The following FRAS1 variants were observed in gnomAD, a reference collection of about 807,000 sequenced individuals.
FRAS1 encodes the protein Fraser extracellular matrix complex subunit 1, also known as extracellular matrix organizing protein FRAS1.
A neutral mutation model predicts 435.2 loss-of-function variants in FRAS1; 290 were observed. The ratio of observed to expected loss-of-function variants is 0.67; its 90% CI spans 0.61 to 0.73. The LOEUF (loss-of-function observed/expected upper bound fraction) is 0.73, where lower values mean the gene tolerates loss of function less well. Ranked by LOEUF, FRAS1 falls within the 30% of genes least tolerant of loss-of-function variation. The probability of loss-of-function intolerance (pLI) is 0.00; values close to 1 mark genes in which losing one functional copy is unlikely to be tolerated. For synonymous variants in FRAS1, 1,800 were observed against 1,851.0 expected (o/e 0.97, Z 0.71); for missense variants, 4,860 against 5,001.5 (o/e 0.97, Z 0.85).
intron 41 of FRAS1, among the ~76,000 whole-genome samples, chr4:78,442,883 C>A (rs1208483377): frequency 6.6e-6 from 1 of 152,152 alleles, no homozygotes; most frequent in African/African-American, 2.4e-5. Flanking sequence ...GCCCAAGGAC[C>A]ACACTTAGAG....
At chr4:78,510,430 G>A (rs1329366951) in intron 63 of FRAS1, among the ~76,000 whole-genome samples, 1 of 151,898 alleles carries the variant, frequency 6.6e-6, no homozygotes, top group Non-Finnish European at 1.5e-5. Flanking sequence ...TAAAGCATTG[G>A]CAGCTAATTA....
At chr4:78,174,720 T>C (rs1363187234) in intron 2 of FRAS1, among the ~76,000 whole-genome samples, 1 of 152,196 alleles carries the variant, frequency 6.6e-6, no homozygotes, top group Non-Finnish European at 1.5e-5. Flanking sequence ...GGATTATAAA[T>C]CTTTAACCAG....
Position 78,155,409 on chromosome 4 carries a change from T to C in FRAS1, c.109-82101T>C, listed in dbSNP as rs113409966. Among the ~76,000 whole-genome samples, 9 of 152,278 alleles carry C rather than the reference T, an allele frequency of 5.9e-5. 1 individual carries two copies. Among genetic ancestry groups the C allele is most frequent in the African/African-American group, 2.2e-4 (9 of 41,556 alleles). ...AGATGTAGTTTTGCTCCAGACACAT[T>C]GCCAAAAATAATGTAAATAGTGTAA... On this transcript the variant is annotated intron_variant, in intron 2 of 73. Coordinates refer to ENST00000512123, the MANE Select transcript of FRAS1 (RefSeq NM_025074.7).
At chr4:78,252,604 C>G in intron 5 of FRAS1, 53 bp downstream of exon 5, 3 of 1,500,618 alleles carry the variant, frequency 2.0e-6, no homozygotes, top group Non-Finnish European at 2.7e-6. Context: ...GTTCACATGG[C>G]TATCGGGGGA....
chr4:78,464,196 C>T, intron 48 of FRAS1, 51 bp downstream of exon 48: 1 of 1,572,310 alleles, frequency 6.4e-7, no homozygotes, highest in Non-Finnish European at 8.6e-7. Flanking sequence ...TCCTCGCCAT[C>T]TTCTTTGAGT....
intron 28 of FRAS1, among the ~76,000 whole-genome samples, chr4:78,385,932 C>T (rs778159348): frequency 1.7e-4 from 25 of 150,468 alleles, no homozygotes; most frequent in Non-Finnish European, 3.0e-5. Context: ...AAATTTAGGA[C>T]AGAGGGCTAC....
At chr4:78,118,068 G>A (rs1030139425) in intron 2 of FRAS1, among the ~76,000 whole-genome samples, 6 of 152,206 alleles carry the variant, frequency 3.9e-5, no homozygotes, top group Non-Finnish European at 7.3e-5. Flanking sequence ...CTCAGCTGCA[G>A]GTCTGTTGGA....
chr4:78,406,300 G>T (rs1303756429), intron 30 of FRAS1, among the ~76,000 whole-genome samples: 1 of 152,150 alleles, frequency 6.6e-6, no homozygotes, highest in African/African-American at 2.4e-5. Flanking sequence ...TAATTAAATA[G>T]AATTAATAGA....
chr4:78,388,631 C>G (rs932855060), intron 29 of FRAS1, among the ~76,000 whole-genome samples: 1 of 128,930 alleles, frequency 7.8e-6, no homozygotes, highest in African/African-American at 3.2e-5. Context: ...AATCTTGTCT[C>G]TACTAAAGTT....
intron 46 of FRAS1, 73 bp from the exon 47 acceptor site, chr4:78,452,102 G>A: frequency 6.6e-7 from 1 of 1,504,968 alleles, no homozygotes; most frequent in South Asian, 1.1e-5. Context: ...CTTACTTCTT[G>A]GCACCAGGCC....
intron 41 of FRAS1, 109 bp downstream of exon 41, chr4:78,441,406 C>G (rs555942472): frequency 9.6e-7 from 1 of 1,042,376 alleles, no homozygotes; most frequent in African/African-American, 1.6e-5. Context: ...AGGAGGGGAA[C>G]CATTTCAAAG....
chr4:78,157,725 A>T (rs561059629), intron 2 of FRAS1, among the ~76,000 whole-genome samples: 1 of 152,282 alleles, frequency 6.6e-6, no homozygotes, highest in South Asian at 2.1e-4. Flanking sequence ...CCTTTGTAGG[A>T]TGTATAGTTT....
chr4:78,112,880 G>T (rs532794850), intron 2 of FRAS1, among the ~76,000 whole-genome samples: 3 of 151,806 alleles, frequency 2.0e-5, no homozygotes, highest in Non-Finnish European at 4.4e-5. Flanking sequence ...ACAACGTGCA[G>T]GTTTGTTTCA....
chr4:78,317,515 T>C lies in FRAS1; in HGVS notation c.1960+7T>C, dbSNP rs1044589015. Reference sequence around the variant, plus strand: ...GACCATGGAGTCTGCAAAGGTATCGTTGGTGTCACCATCATTCTTGAGAGG... The same window carrying C: ...GACCATGGAGTCTGCAAAGGTATCGCTGGTGTCACCATCATTCTTGAGAGG... On this transcript the variant is annotated splice_region_variant and intron_variant, in intron 17 of 73. Transcript: ENST00000512123. 1.9e-6 allele frequency: 3 copies of C among 1,609,352 alleles called. No individual in the cohort carries two copies. The highest frequency in any genetic ancestry group is 2.5e-6 in the Non-Finnish European group (3 of 1,178,284).
chr4:78,263,246 A>G (rs998514570), intron 6 of FRAS1, among the ~76,000 whole-genome samples: 1 of 152,088 alleles, frequency 6.6e-6, no homozygotes, highest in Non-Finnish European at 1.5e-5. Context: ...TCAGCTCTCA[A>G]TCGTGTAGTT....
rs774492695 is a variant in FRAS1 at position 78,511,314 on chromosome 4, G to A, written c.9821G>A (p.Arg3274His). Residue 3274 changes from arginine (R) to histidine (H), a missense_variant, in exon 64 of 74, where the codon CGT (arginine) becomes CAT (histidine). By Grantham distance (29) the Arg-to-His change is conservative. Transcript: ENST00000512123. ...TACTTCAGCCGGAGGTTCCATGTGCGTTGTGTGGCCAAGGCTGTGGACAAG... is the reference window on the plus strand; with the variant it reads ...TACTTCAGCCGGAGGTTCCATGTGCATTGTGTGGCCAAGGCTGTGGACAAG... The part of the protein sequence containing the change: ...SIYFSRRFHV[R>H]CVAKAVDKVG... 55 of 1,609,588 alleles carry A rather than the reference G, an allele frequency of 3.4e-5. No homozygotes were observed. Among genetic ancestry groups the A allele is most frequent in the Middle Eastern group, 1.7e-4 (1 of 5,982 alleles).
At chr4:78,282,093 T>C (rs1209279618) in intron 11 of FRAS1, among the ~76,000 whole-genome samples, 1 of 152,226 alleles carries the variant, frequency 6.6e-6, no homozygotes, top group East Asian at 1.9e-4. Context: ...TATAAAATTG[T>C]TACTTTAAAA....
intron 14 of FRAS1, among the ~76,000 whole-genome samples, chr4:78,289,145 C>G (rs780100891): frequency 9.9e-5 from 15 of 152,158 alleles, no homozygotes; most frequent in Admixed American, 2.6e-4. Context: ...AGCAGTTAAA[C>G]ATGGCTCTTC....
At chr4:78,517,618 A>G (rs11729604) in intron 66 of FRAS1, among the ~76,000 whole-genome samples, 21,168 of 152,208 alleles carry the variant, frequency 0.14, 1,750 homozygotes, top group Non-Finnish European at 0.2. Flanking sequence ...CTGTCAATCA[A>G]CAGGCTTGGA....
Sources: gnomAD v4.1 joint callset for allele counts (sites outside exome capture counted in the v4.1 genomes callset) on GRCh38, gnomAD v4.1.1 for gene constraint, MANE v1.5 for transcripts, NCBI Gene and HGNC (gene_info 2026-07-23, HGNC 2026-07-21) for gene names.